SHLD1: variants seen among roughly 807,000 people sequenced by gnomAD.
The protein encoded by SHLD1 is shieldin complex subunit 1, also known as RINN1-REV7-interacting novel NHEJ regulator 3.
Under a neutral mutation model 5.5 loss-of-function variants are expected in SHLD1, and 3 were observed. The observed-to-expected ratio is 0.54, with a 90% CI of 0.25 to 1.40. The LOEUF (loss-of-function observed/expected upper bound fraction) is 1.40. Among genes scored for constraint, SHLD1 ranks in the 40% most tolerant of loss-of-function variants. The probability of loss-of-function intolerance (pLI) is 0.15; values close to 1 mark genes in which losing one functional copy is unlikely to be tolerated. For missense variants in SHLD1, 210 were observed against 244.4 expected, an observed-to-expected ratio of 0.86 and a Z score of 0.94; for synonymous variants, 92 against 94.3, an observed-to-expected ratio of 0.98 and a Z score of 0.14.
intron 1 of SHLD1, among the ~76,000 whole-genome samples, chr20:5,762,642 C>T (rs552157394): frequency 2.6e-5 from 4 of 152,104 alleles, no homozygotes; most frequent in South Asian, 2.1e-4. Context: ...TGTCATTTCC[C>T]GCCATATGAA....
chr20:5,761,058 A>T (rs1984435673), intron 1 of SHLD1, among the ~76,000 whole-genome samples: 1 of 152,114 alleles, frequency 6.6e-6, no homozygotes, highest in Non-Finnish European at 1.5e-5. Context: ...CTGGATAAGG[A>T]TGAAAGAAGC....
intron 1 of SHLD1, among the ~76,000 whole-genome samples, chr20:5,759,271 A>C (rs1568487389): frequency 6.9e-6 from 1 of 143,902 alleles, no homozygotes; most frequent in African/African-American, 2.6e-5. Context: ...TTTTTAATTA[A>C]TTTTTTTTTT....
chr20:5,767,352 G>A (rs1462633623), intron 1 of SHLD1, among the ~76,000 whole-genome samples: 1 of 152,026 alleles, frequency 6.6e-6, no homozygotes, highest in East Asian at 1.9e-4. Context: ...TGTTGCCCAG[G>A]CTGGTCTCAA....
intron 2 of SHLD1, among the ~76,000 whole-genome samples, chr20:5,850,511 ATTT>A (rs1156477129): frequency 3.8e-5 from 5 of 132,652 alleles, no homozygotes; most frequent in Non-Finnish European, 4.9e-5. Flanking sequence ...TTTAGTTTTA[ATTT>A]TTTTTTTTTT....
At chr20:5,808,614 G>A (rs1484625277) in intron 2 of SHLD1, among the ~76,000 whole-genome samples, 4 of 152,064 alleles carry the variant, frequency 2.6e-5, no homozygotes, top group Non-Finnish European at 5.9e-5. Flanking sequence ...TTTATTTAAC[G>A]AGATGTCTAT....
At chr20:5,767,969 C>T (rs896068755) in intron 1 of SHLD1, among the ~76,000 whole-genome samples, 3 of 141,196 alleles carry the variant, frequency 2.1e-5, no homozygotes, top group Admixed American at 7.4e-5. Context: ...CACTGAGTGA[C>T]GAATTCTTTT....
chr20:5,800,841 C>CTG (rs544411356), intron 2 of SHLD1, among the ~76,000 whole-genome samples: 4,027 of 41,206 alleles, frequency 0.098, 79 homozygotes, highest in Admixed American at 0.17. Context: ...GTATCTATAC[C>CTG]TGTGTGTGTG....
intron 2 of SHLD1, among the ~76,000 whole-genome samples, chr20:5,773,994 A>G (rs1003886800): frequency 6.6e-6 from 1 of 152,170 alleles, no homozygotes; most frequent in African/African-American, 2.4e-5. Flanking sequence ...ACCTAAGGTC[A>G]GGAGTTCAAG....
chr20:5,809,686 C>T (rs190080769), intron 2 of SHLD1, among the ~76,000 whole-genome samples: 19 of 152,184 alleles, frequency 1.2e-4, no homozygotes, highest in Admixed American at 1.0e-3. Flanking sequence ...GCCGTTGCCC[C>T]GTGCTGCCAC....
At chr20:5,762,322 A>G (rs894354962) in intron 1 of SHLD1, among the ~76,000 whole-genome samples, 1 of 152,054 alleles carries the variant, frequency 6.6e-6, no homozygotes, top group African/African-American at 2.4e-5. Context: ...TTTTCACAAC[A>G]TGCATTTAAG....
At chr20:5,789,576 TAAAAAAA>T (rs58405557) in intron 2 of SHLD1, among the ~76,000 whole-genome samples, 1 of 113,352 alleles carries the variant, frequency 8.8e-6, no homozygotes, top group Non-Finnish European at 2.0e-5. Context: ...AAACTTGATC[TAAAAAAA>T]AAAAAAAAAA....
intron 2 of SHLD1, among the ~76,000 whole-genome samples, chr20:5,842,079 T>G (rs946439599): frequency 2.0e-5 from 3 of 152,208 alleles, no homozygotes; most frequent in Non-Finnish European, 2.9e-5. Flanking sequence ...AATGAAACTT[T>G]CAGAAACAAA....
At chr20:5,783,294 G>A (rs538050410) in intron 2 of SHLD1, among the ~76,000 whole-genome samples, 1 of 152,166 alleles carries the variant, frequency 6.6e-6, no homozygotes, top group African/African-American at 2.4e-5. Flanking sequence ...GCAAGGTCTC[G>A]GCTCACTGCG....
intron 2 of SHLD1, among the ~76,000 whole-genome samples, chr20:5,845,186 T>G (rs2087918370): frequency 6.6e-6 from 1 of 152,242 alleles, no homozygotes; most frequent in African/African-American, 2.4e-5. Flanking sequence ...ACAACTCTGC[T>G]GTGGGTACTA....
intron 2 of SHLD1, among the ~76,000 whole-genome samples, chr20:5,860,876 T>TAAAAAA (rs10555301): frequency 3.9e-4 from 39 of 100,778 alleles, no homozygotes; most frequent in Non-Finnish European, 5.0e-4. Context: ...TACTATTCTT[T>TAAAAAA]AAAAAAAAAA....
chr20:5,851,370 A>G (rs1430783301), intron 2 of SHLD1, among the ~76,000 whole-genome samples: 3 of 152,112 alleles, frequency 2.0e-5, no homozygotes, highest in African/African-American at 4.8e-5. Flanking sequence ...GCATGCCTGC[A>G]GTTCTAGCTA....
At chr20:5,763,966 AAAAT>A (rs1472477344) in intron 1 of SHLD1, among the ~76,000 whole-genome samples, 1 of 146,034 alleles carries the variant, frequency 6.8e-6, no homozygotes, top group Non-Finnish European at 1.5e-5. Context: ...AAAAAAAAAA[AAAAT>A]AGAAAAATCA....
At chr20:5,785,791 G>A (rs1408646614) in intron 2 of SHLD1, among the ~76,000 whole-genome samples, 13 of 126,150 alleles carry the variant, frequency 1.0e-4, no homozygotes, top group African/African-American at 3.0e-4. Flanking sequence ...GTAAGACTCC[G>A]TCTCCAAAAA....
chr20:5,788,348 G>T (rs1488116337), intron 2 of SHLD1, among the ~76,000 whole-genome samples: 1 of 152,170 alleles, frequency 6.6e-6, no homozygotes, highest in Non-Finnish European at 1.5e-5. Flanking sequence ...ATTAGGGATT[G>T]TAAAATGCAG....
Sources: allele counts gnomAD v4.1 joint callset (sites outside exome capture counted in the v4.1 genomes callset), GRCh38; gene constraint gnomAD v4.1.1; transcripts MANE v1.5; gene names NCBI Gene and HGNC (gene_info 2026-07-23, HGNC 2026-07-21).